Variants in PDE5A observed in about 807,000 individuals in gnomAD.
PDE5A encodes cGMP-specific 3',5'-cyclic phosphodiesterase.
PDE5A carries 67 observed loss-of-function variants against 110.2 expected under a neutral mutation model. The observed-to-expected ratio is 0.61, with a 90% CI of 0.50 to 0.75. The LOEUF is 0.75. Ranked by LOEUF, PDE5A falls within the 30% of genes least tolerant of loss-of-function variation. The pLI, the probability that PDE5A is intolerant of heterozygous loss-of-function variation, is 0.00. For synonymous variants in PDE5A, 328 were observed against 351.2 expected (o/e 0.93, Z 0.74); for missense variants, 862 against 1,045.1 (o/e 0.82, Z 2.42).
chr4:119,560,230 A>G (rs1323529811), intron 7 of PDE5A, 66 bp downstream of exon 7: 7 of 883,132 alleles, frequency 7.9e-6, no homozygotes, highest in Non-Finnish European at 1.2e-5. Flanking sequence ...CAAACTGGTC[A>G]TGAAATAACT....
intron 16 of PDE5A, among the ~76,000 whole-genome samples, 184 bp from the exon 17 acceptor site, chr4:119,506,116 T>C (rs1336594387): frequency 1.3e-5 from 2 of 151,738 alleles, no homozygotes; most frequent in African/African-American, 4.8e-5. Context: ...CCTTCTATCA[T>C]TTGCTTTCGA....
intron 15 of PDE5A, among the ~76,000 whole-genome samples, chr4:119,509,131 A>T (rs1725654952): frequency 6.6e-6 from 1 of 152,028 alleles, no homozygotes; most frequent in South Asian, 2.1e-4. Flanking sequence ...GTTCTGAAAA[A>T]CCGTACACTA....
Position 119,498,468 on chromosome 4 carries a change from G to A in PDE5A, c.*133C>T, listed in dbSNP as rs1418180647. 3 of 906,674 alleles carry A rather than the reference G, an allele frequency of 3.3e-6. No homozygotes were observed. The highest frequency in any genetic ancestry group is 5.0e-6 in the Non-Finnish European group (3 of 599,038). The allele number at this position is 906,674 out of a possible 1,614,324, so 56.2% of individuals were successfully genotyped here. ...CATTCATGCTATACTCTCAAAAGTT[G>A]TGCAAAAATAAAAATACAGCAGTGG... On this transcript the variant is annotated 3_prime_UTR_variant, in exon 21 of 21. Transcript: ENST00000354960.
intron 9 of PDE5A, chr4:119,543,186 C>T (rs1727008869): frequency 6.6e-6 from 1 of 152,146 alleles, no homozygotes; most frequent in South Asian, 2.1e-4. Context: ...TTGCAGAAAA[C>T]TTTTGATTCT....
In PDE5A at chr4:119,628,549, G is replaced by A. The variant is rs199789323; in HGVS notation, c.123C>T (p.Thr41=). 1.2e-6 allele frequency: 2 copies of A among 1,600,384 alleles called. No homozygotes were observed. Among genetic ancestry groups the A allele is most frequent in the Non-Finnish European group, 1.7e-6 (2 of 1,170,576 alleles). ...EAWLDDHWDF[T]FSYFVRKATR... ...TGGCTTTTCTAACAAAGTATGAGAA[G>A]GTAAAGTCCCAGTGATCGTCCAGCC... Residue 41 remains threonine, a synonymous_variant, in exon 1 of 21, where the codon ACC becomes ACT. Transcript: ENST00000354960.
chr4:119,586,050 C>G (rs1728754555), intron 3 of PDE5A, among the ~76,000 whole-genome samples: 1 of 152,190 alleles, frequency 6.6e-6, no homozygotes, highest in Non-Finnish European at 1.5e-5. Flanking sequence ...TGCTAAGCCA[C>G]TCCAGAATTC....
chr4:119,594,574 T>C (rs886361402), intron 3 of PDE5A, among the ~76,000 whole-genome samples: 1 of 152,222 alleles, frequency 6.6e-6, no homozygotes, highest in African/African-American at 2.4e-5. Context: ...CTTTAAAAAT[T>C]TGATATACCT....
chr4:119,574,179 C>CTTTTTTTTT (rs70944893), intron 3 of PDE5A, among the ~76,000 whole-genome samples: 1 of 89,174 alleles, frequency 1.1e-5, no homozygotes, highest in Non-Finnish European at 1.9e-5. Context: ...AAAATATAGG[C>CTTTTTTTTT]TTTTTTTTTT....
At chr4:119,576,642 G>C (rs1728361114) in intron 3 of PDE5A, among the ~76,000 whole-genome samples, 1 of 152,050 alleles carries the variant, frequency 6.6e-6, no homozygotes, top group Non-Finnish European at 1.5e-5. Context: ...AAACCAACGA[G>C]AACAAAGACA....
intron 3 of PDE5A, among the ~76,000 whole-genome samples, chr4:119,580,919 C>T (rs561627725): frequency 6.6e-6 from 1 of 152,350 alleles, no homozygotes; most frequent in Non-Finnish European, 1.5e-5. Context: ...AAAACGACTT[C>T]AGAGCCCTGG....
intron 6 of PDE5A, among the ~76,000 whole-genome samples, chr4:119,562,081 A>G (rs1035222666): frequency 6.6e-6 from 1 of 152,248 alleles, no homozygotes; most frequent in Non-Finnish European, 1.5e-5. Context: ...AAACAACTAC[A>G]GCAAAAAGAA....
At chr4:119,565,956 A>C (rs1727916422) in intron 4 of PDE5A, among the ~76,000 whole-genome samples, 2 of 135,708 alleles carry the variant, frequency 1.5e-5, no homozygotes, top group Non-Finnish European at 3.3e-5. Flanking sequence ...AATTATTATT[A>C]ATTAATATTA....
At position 119,627,065 on chromosome 4, in the gene PDE5A, C is replaced by T. The variant is rs1730373266; in HGVS notation, c.152+1455G>A. ...ATGATACATCGTCCCACTGGTGCCA[C>T]CGGGGCGCCACCACCCAGCACCCGA... On this transcript the variant is annotated intron_variant, in intron 1 of 20. Transcript: ENST00000354960. The surrounding 1 kb of genome is among the most constrained non-coding windows in gnomAD (Gnocchi z 4.6). 7 of 1,515,402 alleles carry T rather than the reference C, an allele frequency of 4.6e-6. No homozygotes were observed. The highest frequency in any genetic ancestry group is 5.4e-6 in the Non-Finnish European group (6 of 1,101,836). The allele number at this position is 1,515,402 out of a possible 1,614,324, so 93.9% of individuals were successfully genotyped here. A position where few individuals can be genotyped will look rare whatever the true frequency, so the allele number is the denominator to read the frequency against.
chr4:119,605,700 C>T (rs1461365567), intron 2 of PDE5A, among the ~76,000 whole-genome samples: 2 of 130,280 alleles, frequency 1.5e-5, no homozygotes, highest in African/African-American at 2.9e-5. Flanking sequence ...TATCCTGCTT[C>T]TCTGAAGCTT....
chr4:119,607,660 C>A (rs1344516935), intron 1 of PDE5A, among the ~76,000 whole-genome samples: 1 of 151,912 alleles, frequency 6.6e-6, no homozygotes, highest in Non-Finnish European at 1.5e-5. Flanking sequence ...TTGCTTGAGC[C>A]CAGGAGTTCG....
Position 119,578,965 on chromosome 4 carries a change from C to T in PDE5A, c.832-11821G>A, listed in dbSNP as rs561898767. Among the ~76,000 whole-genome samples the T allele has an allele frequency of 6.6e-5, 10 of 152,186 alleles. No individual in the cohort carries two copies. The South Asian group carries it at 2.1e-3, about 32-fold the overall frequency. Reference sequence around the variant, plus strand: ...CTGACAAAGGGCTAATATCCAGAATCTACAAAGAACTCAAACAAATTTACA... The same window carrying T: ...CTGACAAAGGGCTAATATCCAGAATTTACAAAGAACTCAAACAAATTTACA... On this transcript the variant is annotated intron_variant, in intron 3 of 20. Coordinates refer to ENST00000354960, the MANE Select transcript of PDE5A (RefSeq NM_001083.4).
chr4:119,572,166 G>A (rs545957529), intron 3 of PDE5A, among the ~76,000 whole-genome samples: 14 of 152,244 alleles, frequency 9.2e-5, no homozygotes, highest in Non-Finnish European at 1.8e-4. Flanking sequence ...CCTATACGAG[G>A]CAGGGTATTC....
At chr4:119,559,843 C>T (rs562906277) in intron 7 of PDE5A, among the ~76,000 whole-genome samples, 1 of 152,224 alleles carries the variant, frequency 6.6e-6, no homozygotes, top group Non-Finnish European at 1.5e-5. Flanking sequence ...AATTCCAGGA[C>T]ATCAGAAAAC....
At chr4:119,574,372 C>CG (rs71597006) in intron 3 of PDE5A, among the ~76,000 whole-genome samples, 114,706 of 151,202 alleles carry the variant, frequency 0.76, 43,855 homozygotes, top group East Asian at 0.89. Context: ...TTAGTAGAGA[C>CG]GGGTTTCACC....
Sources: gnomAD v4.1 joint callset for allele counts (sites outside exome capture counted in the v4.1 genomes callset) on GRCh38, gnomAD v4.1.1 for gene constraint, Gnocchi (gnomAD v3.1) non-coding constraint, MANE v1.5 for transcripts, NCBI Gene and HGNC (gene_info 2026-07-23, HGNC 2026-07-21) for gene names.